Variants in ARID4B observed in about 807,000 individuals in gnomAD.
ARID4B encodes the protein AT-rich interaction domain 4B, also known as AT-rich interactive domain-containing protein 4B.
In ARID4B, 26 loss-of-function variants were observed where a neutral mutation model predicts 147.5. That is an observed-to-expected ratio of 0.18 (90% confidence interval 0.13 to 0.24). ARID4B has a LOEUF of 0.24. Ranked by LOEUF, ARID4B falls within the 10% of genes least tolerant of loss-of-function variation. The pLI is 1.00. For missense variants in ARID4B, 1,179 were observed against 1,511.5 expected (o/e 0.78, Z 3.65); for synonymous variants, 512 against 507.9 (o/e 1.01, Z -0.11).
intron 19 of ARID4B, among the ~76,000 whole-genome samples, chr1:235,186,905 A>T (rs1664722187): frequency 6.6e-6 from 1 of 151,674 alleles, no homozygotes; most frequent in Non-Finnish European, 1.5e-5. Context: ...CATGTTGGTT[A>T]GGCTGGTCTC....
Position 235,240,355 on chromosome 1 carries a change from G to A in ARID4B, c.543C>T (p.Tyr181=). The change falls in exon 8 of 24, where the codon TAC becomes TAT. Residue 181 remains tyrosine, a synonymous_variant. Coordinates refer to ENST00000264183, the MANE Select transcript of ARID4B (RefSeq NM_016374.6). ...ELLGKVVCVD[Y]ISLDKKKALW... ...GTGCTTTCTTTTTATCCAAACTAAT[G>A]TAATCTACACATACAACTTTGCCTA... 6.2e-7 allele frequency: 1 copy of A among 1,613,308 alleles called. No individual in the cohort carries two copies. Among genetic ancestry groups the A allele is most frequent in the Non-Finnish European group, 8.5e-7 (1 of 1,179,570 alleles).
At chr1:235,319,895 G>A (rs1485294072) in intron 2 of ARID4B, among the ~76,000 whole-genome samples, 3 of 152,028 alleles carry the variant, frequency 2.0e-5, no homozygotes, top group Non-Finnish European at 4.4e-5. Context: ...CTGGGAGGCC[G>A]AGGCAGGTGG....
intron 2 of ARID4B, among the ~76,000 whole-genome samples, chr1:235,282,388 G>A (rs1671719776): frequency 1.3e-5 from 2 of 152,216 alleles, no homozygotes; most frequent in Non-Finnish European, 2.9e-5. Flanking sequence ...TCAACGCAAA[G>A]CAACCTTCTT....
intron 2 of ARID4B, among the ~76,000 whole-genome samples, chr1:235,281,265 T>C (rs977149638): frequency 2.0e-5 from 3 of 151,304 alleles, no homozygotes; most frequent in African/African-American, 7.3e-5. Flanking sequence ...AAAACAAAAA[T>C]AAAGGCCGGG....
At chr1:235,177,210 T>C (rs1362458196) in intron 21 of ARID4B, among the ~76,000 whole-genome samples, 1 of 152,224 alleles carries the variant, frequency 6.6e-6, no homozygotes, top group Non-Finnish European at 1.5e-5. Flanking sequence ...TCAATTTCAC[T>C]GTAATAAAAA....
At position 235,214,837 on chromosome 1, in the gene ARID4B, CTTTTTTTTT is replaced by C. The variant is rs10657168; in HGVS notation, c.1584-820_1584-812del. On this transcript the variant is annotated intron_variant, in intron 16 of 23. Transcript: ENST00000264183. The stretch of plus-strand genomic sequence containing the variant: ...ACTATTCTAGAAAGAGTATTACATC[CTTTTTTTTT>C]TTTTTTTTTTTGATAGATTTTCACT... Among the ~76,000 whole-genome samples the C allele has an allele frequency of 5.9e-5, 6 of 102,320 alleles. No homozygotes were observed. In the East Asian group the frequency reaches 1.2e-3, roughly 21 times the overall value. 67.1% of individuals were successfully genotyped at this position (102,320 alleles called of 152,430 possible).
At chr1:235,199,776 A>T (rs547209267) in intron 17 of ARID4B, among the ~76,000 whole-genome samples, 129 of 152,344 alleles carry the variant, frequency 8.5e-4, no homozygotes, top group African/African-American at 3.0e-3. Flanking sequence ...TCACTGACAC[A>T]AACATATTGG....
chr1:235,263,831 A>G (rs1035662311), intron 2 of ARID4B, among the ~76,000 whole-genome samples: 1 of 151,880 alleles, frequency 6.6e-6, no homozygotes, highest in Non-Finnish European at 1.5e-5. Context: ...ACTAAAAAAA[A>G]AAAATACAAA....
At chr1:235,313,404 G>C (rs1553318306) in intron 2 of ARID4B, among the ~76,000 whole-genome samples, 1 of 151,904 alleles carries the variant, frequency 6.6e-6, no homozygotes, top group Non-Finnish European at 1.5e-5. Flanking sequence ...AGCAATAGTG[G>C]CTCCTCCGTG....
intron 12 of ARID4B, among the ~76,000 whole-genome samples, chr1:235,224,391 T>C (rs1371725875): frequency 6.6e-6 from 1 of 152,210 alleles, no homozygotes; most frequent in Non-Finnish European, 1.5e-5. Context: ...CACTTCTTTA[T>C]CTATTTCTGG....
chr1:235,302,462 A>C (rs1395532349), intron 2 of ARID4B, among the ~76,000 whole-genome samples: 1 of 152,150 alleles, frequency 6.6e-6, no homozygotes, highest in Non-Finnish European at 1.5e-5. Flanking sequence ...AAAATGTAAA[A>C]TATCTCAATA....
intron 2 of ARID4B, among the ~76,000 whole-genome samples, chr1:235,324,954 A>G (rs980551806): frequency 2.6e-5 from 4 of 152,206 alleles, no homozygotes; most frequent in Non-Finnish European, 5.9e-5. Flanking sequence ...ACACACAGAA[A>G]AAGAAACAAA....
At chr1:235,287,925 G>A (rs1672091307) in intron 2 of ARID4B, among the ~76,000 whole-genome samples, 1 of 152,172 alleles carries the variant, frequency 6.6e-6, no homozygotes, top group Non-Finnish European at 1.5e-5. Context: ...AGGGACCTAT[G>A]TACAAAACAA....
intron 23 of ARID4B, among the ~76,000 whole-genome samples, chr1:235,170,467 G>A (rs1023414665): frequency 3.9e-5 from 6 of 152,034 alleles, no homozygotes; most frequent in African/African-American, 9.7e-5. Flanking sequence ...GGCCGGGCAC[G>A]GTGGCTCACA....
At chr1:235,251,690 T>C (rs1669656583) in intron 6 of ARID4B, among the ~76,000 whole-genome samples, 1 of 151,472 alleles carries the variant, frequency 6.6e-6, no homozygotes, top group Non-Finnish European at 1.5e-5. Context: ...AAATAAGTAA[T>C]ATTAATTAGT....
At chr1:235,228,081 G>A (rs369068717) in intron 11 of ARID4B, among the ~76,000 whole-genome samples, 40 of 151,610 alleles carry the variant, frequency 2.6e-4, no homozygotes, top group African/African-American at 8.0e-4. Context: ...TGATCTGCCC[G>A]CCTCGGCCTC....
At chr1:235,300,632 T>A (rs1352647584) in intron 2 of ARID4B, among the ~76,000 whole-genome samples, 3 of 152,018 alleles carry the variant, frequency 2.0e-5, no homozygotes, top group African/African-American at 7.2e-5. Flanking sequence ...CATTTTTAAT[T>A]ATTATTATTA....
chr1:235,178,384 A>T (rs926207569), intron 20 of ARID4B, among the ~76,000 whole-genome samples: 1 of 152,168 alleles, frequency 6.6e-6, no homozygotes, highest in Non-Finnish European at 1.5e-5. Flanking sequence ...AGTAATTCAT[A>T]CTTGGTTCTT....
chr1:235,214,985 G>A (rs1666962071), intron 16 of ARID4B, among the ~76,000 whole-genome samples: 1 of 151,750 alleles, frequency 6.6e-6, no homozygotes, highest in African/African-American at 2.4e-5. Flanking sequence ...GGGATTACAG[G>A]CACCCACCAC....
Sources: allele counts gnomAD v4.1 joint callset (sites outside exome capture counted in the v4.1 genomes callset), GRCh38; gene constraint gnomAD v4.1.1; transcripts MANE v1.5; gene names NCBI Gene and HGNC (gene_info 2026-07-23, HGNC 2026-07-21).